Variants in DAB1 observed in about 807,000 individuals in gnomAD.
DAB1 encodes the protein disabled homolog 1.
A neutral mutation model predicts 64.6 loss-of-function variants in DAB1; 15 were observed. The observed-to-expected ratio is 0.23, with a 90% CI of 0.16 to 0.36. DAB1 has a LOEUF of 0.36. DAB1 is among the 10% of genes least tolerant of loss of function. DAB1 has a pLI of 1.00. For synonymous variants in DAB1, 235 were observed against 251.9 expected (o/e 0.93, Z 0.64); for missense variants, 596 against 706.7 (o/e 0.84, Z 1.78).
At chr1:57,794,920 G>C (rs1265821140) in intron 6 of DAB1, among the ~76,000 whole-genome samples, 2 of 152,162 alleles carry the variant, frequency 1.3e-5, no homozygotes, top group South Asian at 2.1e-4. Context: ...AAGATCTCAG[G>C]GGACTACAGA....
chr1:58,266,295 G>T (rs1409679100), intron 4 of DAB1, among the ~76,000 whole-genome samples: 1 of 152,154 alleles, frequency 6.6e-6, no homozygotes, highest in African/African-American at 2.4e-5. Context: ...GGCCTTTTCA[G>T]TGGGGGAAGA....
At chr1:57,761,679 T>C (rs2101818499) in intron 6 of DAB1, among the ~76,000 whole-genome samples, 1 of 152,310 alleles carries the variant, frequency 6.6e-6, no homozygotes, top group African/African-American at 2.4e-5. Flanking sequence ...GGCAGAGGTA[T>C]TTGATTGACA....
chr1:58,450,789 GA>G (rs1403665289), intron 3 of DAB1, among the ~76,000 whole-genome samples: 1 of 152,040 alleles, frequency 6.6e-6, no homozygotes, highest in African/African-American at 2.4e-5. Context: ...ACAGTAACTT[GA>G]CAGAGAGAAA....
chr1:57,391,579 C>A (rs75819891), intron 1 of DAB1, among the ~76,000 whole-genome samples: 4,547 of 152,158 alleles, frequency 0.03, 223 homozygotes, highest in African/African-American at 0.1. Context: ...ATTTAACAAC[C>A]AACATTTACT....
chr1:57,256,545 G>A (rs1669775682), intron 2 of DAB1, among the ~76,000 whole-genome samples: 1 of 147,032 alleles, frequency 6.8e-6, no homozygotes, highest in Non-Finnish European at 1.5e-5. Flanking sequence ...TACACAAAGA[G>A]TCCTTCAAGC....
chr1:57,892,225 T>G (rs1644326120), intron 5 of DAB1, among the ~76,000 whole-genome samples: 1 of 152,204 alleles, frequency 6.6e-6, no homozygotes, highest in South Asian at 2.1e-4. Flanking sequence ...TATGGGATTC[T>G]GCAGGACCTA....
At chr1:57,787,619 T>C (rs779488488) in intron 6 of DAB1, among the ~76,000 whole-genome samples, 1 of 152,088 alleles carries the variant, frequency 6.6e-6, no homozygotes, top group Non-Finnish European at 1.5e-5. Flanking sequence ...AAAAGGTTTT[T>C]ATAGGACACA....
At chr1:58,363,057 T>C (rs1254856709) in intron 3 of DAB1, among the ~76,000 whole-genome samples, 1 of 152,186 alleles carries the variant, frequency 6.6e-6, no homozygotes, top group African/African-American at 2.4e-5. Flanking sequence ...TCTCTTCTTA[T>C]AACAGCACTA....
At chr1:57,602,302 G>A (rs964745010) in intron 7 of DAB1, among the ~76,000 whole-genome samples, 40 of 152,122 alleles carry the variant, frequency 2.6e-4, no homozygotes, top group African/African-American at 9.4e-4. Context: ...GGATAGATAC[G>A]ATGATCCTTG....
chr1:57,568,456 T>C (rs905673153), intron 7 of DAB1, among the ~76,000 whole-genome samples: 10 of 152,190 alleles, frequency 6.6e-5, no homozygotes, highest in African/African-American at 1.9e-4. Flanking sequence ...AGCTTCTGCA[T>C]AGCAAAAGAA....
chr1:57,296,156 T>C (rs952071273), intron 1 of DAB1, among the ~76,000 whole-genome samples: 1 of 152,062 alleles, frequency 6.6e-6, no homozygotes, highest in African/African-American at 2.4e-5. Flanking sequence ...GCAGATATTG[T>C]TGGGAGCCAA....
chr1:57,588,053 T>A (rs1488051880), intron 7 of DAB1, among the ~76,000 whole-genome samples: 1 of 152,226 alleles, frequency 6.6e-6, no homozygotes, highest in Non-Finnish European at 1.5e-5. Context: ...TCTCCCCACA[T>A]AATTACATTA....
chr1:58,535,046 C>T (rs558576546), intron 1 of DAB1, among the ~76,000 whole-genome samples: 101 of 152,150 alleles, frequency 6.6e-4, no homozygotes, highest in African/African-American at 2.4e-3. Context: ...CACCCTATAC[C>T]TAATAAGAAA....
At chr1:57,137,601 C>A (rs1321688978) in intron 3 of DAB1, among the ~76,000 whole-genome samples, 1 of 152,186 alleles carries the variant, frequency 6.6e-6, no homozygotes, top group Non-Finnish European at 1.5e-5. Flanking sequence ...CTGTTGCTGA[C>A]CATGCATTAG....
rs558975447 is a variant in DAB1 at position 57,456,492 on chromosome 1, T to A, written n.626-165326A>T. 3.9e-5 allele frequency among the ~76,000 whole-genome samples: 6 copies of A among 152,274 alleles called. No homozygotes were observed. In the East Asian group the frequency reaches 1.2e-3, roughly 29 times the overall value. ...GTAAATTTAAAATAAAAATGCTTGA[T>A]AGATTTGCATTTATACTCAATATTA... On this transcript the variant is annotated intron_variant and non_coding_transcript_variant, in intron 7 of 20. Coordinates refer to the DAB1 transcript ENST00000485760.
intron 6 of DAB1, among the ~76,000 whole-genome samples, chr1:57,730,671 C>T (rs993281064): frequency 1.3e-5 from 2 of 152,188 alleles, no homozygotes; most frequent in African/African-American, 4.8e-5. Context: ...CATTGAACTC[C>T]TTCAGGACAA....
In DAB1 at chr1:58,376,408, C is replaced by A. The variant is rs1410898868; in HGVS notation, n.258-33005G>T. On this transcript the variant is annotated intron_variant and non_coding_transcript_variant, in intron 3 of 20. Coordinates refer to the DAB1 transcript ENST00000485760. ...TGTTCTCATTGGTTTCAAAGAACAT[C>A]TTTATTTCTGCCTTCATTTCCTTAT... is the stretch of plus-strand genomic sequence containing the variant. Among the ~76,000 whole-genome samples the A allele has an allele frequency of 6.0e-5, 8 of 133,440 alleles. 1 individual carries two copies. The highest frequency in any genetic ancestry group is 1.2e-4 in the Non-Finnish European group (7 of 60,788). The allele number at this position is 133,440 out of a possible 152,430, so 87.5% of individuals were successfully genotyped here.
chr1:58,501,177 T>G (rs1645900706), intron 3 of DAB1, among the ~76,000 whole-genome samples: 1 of 152,218 alleles, frequency 6.6e-6, no homozygotes, highest in African/African-American at 2.4e-5. Flanking sequence ...TTTTAAATGC[T>G]AATGGATCAC....
intron 5 of DAB1, among the ~76,000 whole-genome samples, chr1:57,977,477 A>T (rs376476558): frequency 2.8e-4 from 42 of 152,308 alleles, no homozygotes; most frequent in Admixed American, 7.9e-4. Flanking sequence ...AAGAGGCCAC[A>T]TTGCAAAGTT....
Sources: gnomAD v4.1 joint callset for allele counts (sites outside exome capture counted in the v4.1 genomes callset) on GRCh38, gnomAD v4.1.1 for gene constraint, MANE v1.5 for transcripts, NCBI Gene and HGNC (gene_info 2026-07-23, HGNC 2026-07-21) for gene names.